The following ESRRG variants were observed in gnomAD, a reference collection of about 807,000 sequenced individuals.
ESRRG encodes the protein estrogen related receptor gamma, also known as estrogen-related receptor gamma.
Under a neutral mutation model 44.0 loss-of-function variants are expected in ESRRG, and 13 were observed. The ratio of observed to expected loss-of-function variants is 0.30; its 90% CI spans 0.19 to 0.47. The LOEUF (loss-of-function observed/expected upper bound fraction) is 0.47. Ranked by LOEUF, ESRRG falls within the 20% of genes least tolerant of loss-of-function variation. ESRRG has a pLI of 1.00. For synonymous variants in ESRRG, 215 were observed against 214.6 expected (o/e 1.00, Z -0.02); for missense variants, 395 against 580.6 (o/e 0.68, Z 3.29).
chr1:216,526,206 C>T (rs1347279772), intron 5 of ESRRG, among the ~76,000 whole-genome samples: 1 of 152,070 alleles, frequency 6.6e-6, no homozygotes, highest in East Asian at 1.9e-4. Flanking sequence ...CTGTGATGAT[C>T]TGACTTGTGC....
At chr1:216,544,008 T>C (rs1208673408) in intron 5 of ESRRG, among the ~76,000 whole-genome samples, 1 of 152,036 alleles carries the variant, frequency 6.6e-6, no homozygotes, top group African/African-American at 2.4e-5. Flanking sequence ...CAAATGTTCA[T>C]ACAGAGATAA....
chr1:216,662,633 G>A (rs2072804544), intron 2 of ESRRG, among the ~76,000 whole-genome samples: 1 of 152,012 alleles, frequency 6.6e-6, no homozygotes, highest in African/African-American at 2.4e-5. Flanking sequence ...GAGTGGGGGG[G>A]TTCCTGTTTG....
intron 1 of ESRRG, among the ~76,000 whole-genome samples, chr1:216,990,051 T>C (rs2075445200): frequency 6.6e-6 from 1 of 152,152 alleles, no homozygotes; most frequent in Non-Finnish European, 1.5e-5. Flanking sequence ...TTCTCCGTTA[T>C]ACCCAACAAT....
chr1:216,618,806 A>G (rs2061772339), intron 3 of ESRRG, among the ~76,000 whole-genome samples: 1 of 152,222 alleles, frequency 6.6e-6, no homozygotes, highest in South Asian at 2.1e-4. Context: ...ACTTGAGTGA[A>G]CAGTAGGTCA....
intron 2 of ESRRG, among the ~76,000 whole-genome samples, chr1:216,841,477 A>G (rs1322814995): frequency 6.6e-6 from 1 of 152,174 alleles, no homozygotes; most frequent in Admixed American, 6.5e-5. Flanking sequence ...GAAGTACATG[A>G]ACACTGGGCA....
At chr1:216,788,247 G>A (rs1047418647) in intron 2 of ESRRG, among the ~76,000 whole-genome samples, 7 of 152,128 alleles carry the variant, frequency 4.6e-5, no homozygotes, top group Admixed American at 1.3e-4. Context: ...GGAAGGAGAA[G>A]TCAATTCCTG....
At chr1:216,989,154 T>C (rs911172832) in intron 1 of ESRRG, among the ~76,000 whole-genome samples, 1 of 152,090 alleles carries the variant, frequency 6.6e-6, no homozygotes, top group Non-Finnish European at 1.5e-5. Context: ...CGGTGTCTTT[T>C]TATTTAAAAA....
intron 2 of ESRRG, among the ~76,000 whole-genome samples, chr1:216,656,780 C>T (rs1003873111): frequency 1.7e-4 from 26 of 152,268 alleles, no homozygotes; most frequent in African/African-American, 6.3e-4. Context: ...TTCATACATA[C>T]AGACATCATA....
chr1:216,507,008 G>A lies in ESRRG; in HGVS notation c.1308C>T (p.Tyr436=). 6.2e-7 allele frequency: 1 copy of A among 1,614,138 alleles called. No individual in the cohort carries two copies. Among genetic ancestry groups the A allele is most frequent in the Non-Finnish European group, 8.5e-7 (1 of 1,180,012 alleles). The stretch of plus-strand genomic sequence containing the variant: ...GGACTTTGCCTTCTAGTTTGATGTT[G>A]TAGAAATGCTGCACGGCCTTGGTAG... ...QTSTKAVQHF[Y]NIKLEGKVPM... The change falls in exon 7 of 7, where the codon TAC becomes TAT. Residue 436 remains tyrosine, a synonymous_variant. Transcript: ENST00000408911.
intron 5 of ESRRG, 125 bp downstream of exon 5, chr1:216,564,094 A>G (rs2059262334): frequency 5.9e-6 from 3 of 511,974 alleles, no homozygotes; most frequent in Non-Finnish European, 1.0e-5. Context: ...AATTATGATT[A>G]AAAATAAATG....
At chr1:216,597,995 C>T (rs889751747) in intron 3 of ESRRG, among the ~76,000 whole-genome samples, 1 of 152,108 alleles carries the variant, frequency 6.6e-6, no homozygotes, top group African/African-American at 2.4e-5. Flanking sequence ...AGGCTTTTCC[C>T]TTCTTTATTG....
chr1:216,776,088 T>C (rs531186437), intron 2 of ESRRG, among the ~76,000 whole-genome samples: 22 of 152,214 alleles, frequency 1.4e-4, no homozygotes, highest in African/African-American at 5.3e-4. Flanking sequence ...ATCCCTATAA[T>C]AGCTCCCTGT....
intron 2 of ESRRG, among the ~76,000 whole-genome samples, chr1:216,849,971 C>T (rs979824962): frequency 5.3e-5 from 8 of 152,060 alleles, no homozygotes; most frequent in African/African-American, 1.7e-4. Context: ...GTAAATATTT[C>T]TAATTGCACT....
intron 5 of ESRRG, among the ~76,000 whole-genome samples, chr1:216,556,352 T>C (rs2057569857): frequency 6.6e-6 from 1 of 152,178 alleles, no homozygotes; most frequent in South Asian, 2.1e-4. Flanking sequence ...ATGACTGAGC[T>C]CATCCTGTCA....
intron 1 of ESRRG, among the ~76,000 whole-genome samples, chr1:216,947,561 G>A (rs529587796): frequency 2.0e-5 from 3 of 152,102 alleles, no homozygotes; most frequent in Non-Finnish European, 4.4e-5. Flanking sequence ...TTCTAGGGCT[G>A]GGGCTGTACG....
intron 3 of ESRRG, among the ~76,000 whole-genome samples, chr1:216,642,383 C>G (rs540469858): frequency 5.9e-4 from 89 of 152,002 alleles, no homozygotes; most frequent in African/African-American, 2.0e-3. Flanking sequence ...ACTGACTATT[C>G]AAGTTTCATA....
intron 1 of ESRRG, among the ~76,000 whole-genome samples, chr1:216,967,721 C>T (rs1482539130): frequency 6.6e-6 from 1 of 152,132 alleles, no homozygotes; most frequent in African/African-American, 2.4e-5. Flanking sequence ...TTTTGTGTGG[C>T]ACAAGTTTTC....
At chr1:216,594,428 T>C (rs892798890) in intron 3 of ESRRG, among the ~76,000 whole-genome samples, 22 of 152,214 alleles carry the variant, frequency 1.4e-4, no homozygotes, top group Admixed American at 1.2e-3. Flanking sequence ...AATATCTATT[T>C]GCTCAGTATT....
At chr1:217,120,537 G>C (rs1329913457) in intron 1 of ESRRG, among the ~76,000 whole-genome samples, 1 of 151,256 alleles carries the variant, frequency 6.6e-6, no homozygotes, top group African/African-American at 2.4e-5. Context: ...TTAGAACAAA[G>C]AGAAATCTCC....
Sources: allele counts gnomAD v4.1 joint callset (sites outside exome capture counted in the v4.1 genomes callset), GRCh38; gene constraint gnomAD v4.1.1; transcripts MANE v1.5; gene names NCBI Gene and HGNC (gene_info 2026-07-23, HGNC 2026-07-21).